The following TEX11 variants were observed in gnomAD, a reference collection of about 807,000 sequenced individuals.
TEX11 encodes testis-expressed protein 11.
TEX11 carries 7 observed loss-of-function variants against 84.4 expected under a neutral mutation model. The ratio of observed to expected loss-of-function variants is 0.08; its 90% CI spans 0.05 to 0.16. The LOEUF is 0.16. Ranked by LOEUF, TEX11 falls within the 10% of genes least tolerant of loss-of-function variation. TEX11 has a pLI of 1.00. For synonymous variants in TEX11, 264 were observed against 222.8 expected, an observed-to-expected ratio of 1.18 and a Z score of -1.64; for missense variants, 551 against 660.5, an observed-to-expected ratio of 0.83 and a Z score of 1.82.
chrX:70,901,423 CA>C (rs898708279), intron 2 of TEX11, among the ~76,000 whole-genome samples: 3 of 111,698 alleles, frequency 2.7e-5, no homozygotes, highest in Non-Finnish European at 5.6e-5. Flanking sequence ...GTCATTGTCC[CA>C]ACATCATAGA....
intron 16 of TEX11, among the ~76,000 whole-genome samples, chrX:70,664,931 A>G: frequency 9.1e-6 from 1 of 109,499 alleles, no homozygotes; most frequent in Non-Finnish European, 1.9e-5. Context: ...CATCTAGTGA[A>G]TATCACTAGT....
chrX:70,860,984 C>G (rs768867732), intron 4 of TEX11, 48 bp from the exon 5 acceptor site: 1 of 835,951 alleles, frequency 1.2e-6, no homozygotes, highest in Non-Finnish European at 1.7e-6. Context: ...ATTCATTCTC[C>G]TTTTATATAC....
intron 1 of TEX11, among the ~76,000 whole-genome samples, 154 bp downstream of exon 1, chrX:70,908,500 C>T (rs926400385): frequency 5.3e-5 from 6 of 112,359 alleles, no homozygotes; most frequent in Non-Finnish European, 1.1e-4. Context: ...GCCTTGAGAG[C>T]GACGAGCAGT....
intron 25 of TEX11, among the ~76,000 whole-genome samples, chrX:70,560,893 G>GT (rs745618647): frequency 0.026 from 886 of 33,597 alleles, 93 homozygotes; most frequent in Non-Finnish European, 0.03. Flanking sequence ...CACCACACCG[G>GT]TTTTTTTTTT....
intron 5 of TEX11, 88 bp downstream of exon 5, chrX:70,860,769 C>G: frequency 1.7e-6 from 1 of 604,910 alleles, no homozygotes. Context: ...AGATTCAACC[C>G]CCTTCCAGTT....
chrX:70,712,793 G>C (rs1603232061), intron 13 of TEX11, among the ~76,000 whole-genome samples: 2 of 110,547 alleles, frequency 1.8e-5, no homozygotes, highest in Admixed American at 9.7e-5. Context: ...TCCTTCTCCT[G>C]CCTGATTGCC....
the TEX11 span, among the ~76,000 whole-genome samples, chrX:70,515,924 G>C: frequency 8.9e-6 from 1 of 112,373 alleles, no homozygotes; most frequent in Non-Finnish European, 1.9e-5. Context: ...GTCTTCCTTT[G>C]AGAAGTGTCT....
intron 2 of TEX11, among the ~76,000 whole-genome samples, chrX:70,883,763 G>A (rs936963415): frequency 5.4e-5 from 6 of 111,945 alleles, no homozygotes; most frequent in African/African-American, 1.9e-4. Context: ...GTTAAAACTG[G>A]GGGTTCACTC....
At chrX:70,815,450 G>A (rs960584379) in intron 8 of TEX11, among the ~76,000 whole-genome samples, 11 of 110,398 alleles carry the variant, frequency 1.0e-4, no homozygotes, top group East Asian at 5.7e-4. Flanking sequence ...CCATGGCTTC[G>A]GTTACCCAAG....
chrX:70,831,800 G>T (rs1200169583), intron 8 of TEX11, among the ~76,000 whole-genome samples: 4 of 111,376 alleles, frequency 3.6e-5, no homozygotes, highest in Non-Finnish European at 3.8e-5. Context: ...ACCTGTGTGA[G>T]TTGATGAATA....
At chrX:70,753,373 G>C (rs1178364586) in intron 9 of TEX11, among the ~76,000 whole-genome samples, 1 of 111,405 alleles carries the variant, frequency 9.0e-6, no homozygotes, top group Non-Finnish European at 1.9e-5. Context: ...AGAGTGGGGA[G>C]AACTTTGTCT....
intron 7 of TEX11, among the ~76,000 whole-genome samples, chrX:70,850,578 C>CA (rs58993434): frequency 0.017 from 1,335 of 80,738 alleles, 13 homozygotes; most frequent in African/African-American, 0.036. Flanking sequence ...CCTCCCTCTA[C>CA]AAAAAAAAAA....
intron 11 of TEX11, among the ~76,000 whole-genome samples, chrX:70,732,109 C>T (rs2090657285): frequency 9.0e-6 from 1 of 111,667 alleles, no homozygotes; most frequent in African/African-American, 3.3e-5. Flanking sequence ...AACAACCCTT[C>T]ATGCTAAAAA....
At chrX:70,625,766 TTTTC>T (rs1439869790) in intron 18 of TEX11, among the ~76,000 whole-genome samples, 1 of 82,612 alleles carries the variant, frequency 1.2e-5, no homozygotes, top group Non-Finnish European at 2.2e-5. Flanking sequence ...GGCATTTTCT[TTTTC>T]TTTTTCTTTT....
At chrX:70,639,325 G>A (rs113413735) in intron 17 of TEX11, among the ~76,000 whole-genome samples, 8 of 111,905 alleles carry the variant, frequency 7.1e-5, no homozygotes, top group Admixed American at 9.4e-5. Context: ...ACTGCAAGGC[G>A]GCAGTGAGGC....
the TEX11 span, among the ~76,000 whole-genome samples, chrX:70,511,752 C>CAAAAAAA: frequency 1.8e-4 from 6 of 32,725 alleles, no homozygotes; most frequent in East Asian, 7.7e-4. Context: ...GACTCCATCT[C>CAAAAAAA]AAAAAAAAAA....
chrX:70,887,366 G>A (rs923581447), intron 2 of TEX11, among the ~76,000 whole-genome samples: 2 of 111,851 alleles, frequency 1.8e-5, no homozygotes, highest in Non-Finnish European at 3.8e-5. Flanking sequence ...TGAGTCCCAG[G>A]CCTGGAAGAT....
At chrX:70,544,315 C>A (rs1489443498) in intron 28 of TEX11, among the ~76,000 whole-genome samples, 1 of 111,317 alleles carries the variant, frequency 9.0e-6, no homozygotes, top group East Asian at 2.8e-4. Context: ...TTACTTGAAC[C>A]TGAGTTTGAG....
chrX:70,578,772 T>C (rs1470850417), intron 25 of TEX11, among the ~76,000 whole-genome samples: 2 of 97,476 alleles, frequency 2.1e-5, no homozygotes, highest in African/African-American at 7.6e-5. Flanking sequence ...TTCTTTTTTT[T>C]TTTTTTTTTT....
Sources: allele counts gnomAD v4.1 joint callset (sites outside exome capture counted in the v4.1 genomes callset), GRCh38; gene constraint gnomAD v4.1.1; transcripts MANE v1.5; gene names NCBI Gene and HGNC (gene_info 2026-07-23, HGNC 2026-07-21).